The following TAFA2 variants were observed in gnomAD, a reference collection of about 807,000 sequenced individuals.
The protein encoded by TAFA2 is TAFA chemokine like family member 2.
A neutral mutation model predicts 18.8 loss-of-function variants in TAFA2; 7 were observed. That is an observed-to-expected ratio of 0.37 (90% CI 0.21 to 0.70). The LOEUF is 0.70. Among genes scored for constraint, TAFA2 ranks in the 30% least tolerant of loss-of-function variants. TAFA2 has a pLI of 0.53. For synonymous variants in TAFA2, 60 were observed against 54.2 expected, an observed-to-expected ratio of 1.11 and a Z score of -0.47; for missense variants, 122 against 158.1, an observed-to-expected ratio of 0.77 and a Z score of 1.23.
intron 1 of TAFA2, among the ~76,000 whole-genome samples, chr12:62,134,618 A>T (rs1382031120): frequency 6.6e-6 from 1 of 152,088 alleles, no homozygotes; most frequent in African/African-American, 2.4e-5. Flanking sequence ...ACTTGTCACA[A>T]TCTACACTTT....
Position 61,873,085 on chromosome 12 carries a change from G to A in TAFA2, c.-1-5659C>T, listed in dbSNP as rs985794749. 5.9e-5 allele frequency among the ~76,000 whole-genome samples: 9 copies of A among 152,140 alleles called. No individual in the cohort carries two copies. The East Asian group carries it at 1.5e-3, about 26-fold the overall frequency. On this transcript the variant is annotated intron_variant, in intron 1 of 4. Coordinates refer to ENST00000416284, the MANE Select transcript of TAFA2 (RefSeq NM_178539.5). ...GGAACATCAAGAGATGTAGAATGAAGAAATAGGTGTATTATATAATCAGAA... is the reference window on the plus strand; with the variant it reads ...GGAACATCAAGAGATGTAGAATGAAAAAATAGGTGTATTATATAATCAGAA...
intron 1 of TAFA2, among the ~76,000 whole-genome samples, chr12:61,902,191 T>C (rs904592296): frequency 2.6e-5 from 4 of 151,160 alleles, no homozygotes; most frequent in Non-Finnish European, 5.9e-5. Context: ...TACAAAATGA[T>C]GTAATTGAAG....
chr12:61,749,138 T>C (rs1478575589), intron 4 of TAFA2, among the ~76,000 whole-genome samples: 3 of 148,786 alleles, frequency 2.0e-5, no homozygotes, highest in African/African-American at 4.9e-5. Flanking sequence ...CTGGGTGTGG[T>C]GGGGCATGCC....
chr12:61,840,033 G>C (rs1873107963), intron 2 of TAFA2, among the ~76,000 whole-genome samples: 1 of 152,002 alleles, frequency 6.6e-6, no homozygotes, highest in East Asian at 1.9e-4. Context: ...AATGTCCATG[G>C]AGCTCAGCTT....
At chr12:61,911,434 T>A (rs769995459) in intron 1 of TAFA2, among the ~76,000 whole-genome samples, 17 of 152,246 alleles carry the variant, frequency 1.1e-4, no homozygotes, top group Non-Finnish European at 2.1e-4. Context: ...GCTAAATTTG[T>A]GTTTAATTCT....
chr12:62,192,702 T>C lies in TAFA2; in HGVS notation c.-1445A>G, dbSNP rs1179441857. The C allele has an allele frequency of 6.6e-6, 1 of 152,214 alleles. No homozygotes were observed. The highest frequency in any genetic ancestry group is 1.5e-5 in the Non-Finnish European group (1 of 68,082). The allele number at this position is 152,214 out of a possible 1,614,324, so 9.4% of individuals were successfully genotyped here. A position where few individuals can be genotyped will look rare whatever the true frequency, so the allele number is the denominator to read the frequency against. ...GGTTGAGTTAAGCAGTAAAATGGAA[T>C]GGCAGGGCCGGGCGGCGTTGCCTCG... On this transcript the variant is annotated 5_prime_UTR_variant, in exon 1 of 5. Transcript: ENST00000416284.
At chr12:61,933,880 A>C (rs1261897007) in intron 1 of TAFA2, among the ~76,000 whole-genome samples, 1 of 152,240 alleles carries the variant, frequency 6.6e-6, no homozygotes, top group East Asian at 1.9e-4. Flanking sequence ...GATGGTATTT[A>C]ACAGAAAAGT....
intron 4 of TAFA2, among the ~76,000 whole-genome samples, chr12:61,737,484 A>G (rs917549737): frequency 4.0e-5 from 6 of 151,862 alleles, no homozygotes; most frequent in African/African-American, 1.4e-4. Context: ...CAGATGGGTA[A>G]TACATATAAC....
chr12:61,962,174 C>A lies in TAFA2; in HGVS notation c.-1-94748G>T, dbSNP rs958670803. Reference sequence around the variant, plus strand: ...GTTAATGTAGAACTTCCAGGAATTCCTGTTTATTCTCATATTTTAACCTAA... The same window carrying A: ...GTTAATGTAGAACTTCCAGGAATTCATGTTTATTCTCATATTTTAACCTAA... On this transcript the variant is annotated intron_variant, in intron 1 of 4. Coordinates refer to ENST00000416284, the MANE Select transcript of TAFA2 (RefSeq NM_178539.5). Among the ~76,000 whole-genome samples, 4 of 151,918 alleles carry A rather than the reference C, an allele frequency of 2.6e-5. No individual in the cohort carries two copies. In the East Asian group the frequency reaches 5.8e-4, roughly 22 times the overall value.
intron 1 of TAFA2, among the ~76,000 whole-genome samples, chr12:62,007,090 A>G (rs1000523046): frequency 6.6e-6 from 1 of 151,990 alleles, no homozygotes; most frequent in Admixed American, 6.6e-5. Flanking sequence ...CCACCTCTCT[A>G]CCATTCTTCC....
At chr12:61,922,362 CAGA>C (rs1480038965) in intron 1 of TAFA2, among the ~76,000 whole-genome samples, 1 of 152,104 alleles carries the variant, frequency 6.6e-6, no homozygotes, top group African/African-American at 2.4e-5. Flanking sequence ...GAGACCAACA[CAGA>C]AGGTGGGTGA....
chr12:62,253,062 A>G (rs965904333), intron 1 of TAFA2: 4 of 152,172 alleles, frequency 2.6e-5, no homozygotes, highest in African/African-American at 9.7e-5. Flanking sequence ...TCTGTTCCTG[A>G]CAGGTTGGAC....
At chr12:62,251,528 A>C (rs2062913655) in intron 1 of TAFA2, among the ~76,000 whole-genome samples, 1 of 152,240 alleles carries the variant, frequency 6.6e-6, no homozygotes, top group Non-Finnish European at 1.5e-5. Flanking sequence ...GGTGTGGTGC[A>C]GGCCCAAGTG....
intron 2 of TAFA2, among the ~76,000 whole-genome samples, chr12:61,787,473 T>C (rs1429769110): frequency 6.6e-6 from 1 of 151,640 alleles, no homozygotes; most frequent in Non-Finnish European, 1.5e-5. Flanking sequence ...AGGTTAAATA[T>C]CAAAGTGGTT....
intron 1 of TAFA2, among the ~76,000 whole-genome samples, chr12:62,155,335 G>T (rs2062361048): frequency 6.6e-6 from 1 of 152,108 alleles, no homozygotes. Context: ...CATGCTCATG[G>T]ATGGGTAGTA....
chr12:61,907,780 G>A (rs7965138), intron 1 of TAFA2, among the ~76,000 whole-genome samples: 20 of 151,976 alleles, frequency 1.3e-4, no homozygotes, highest in Admixed American at 1.2e-3. Context: ...AGCCACAAGG[G>A]TGGAGCTGCC....
intron 2 of TAFA2, among the ~76,000 whole-genome samples, chr12:61,810,869 G>A (rs1486893716): frequency 6.6e-6 from 1 of 151,228 alleles, no homozygotes; most frequent in Non-Finnish European, 1.5e-5. Context: ...AAAGAGTTCA[G>A]TCAATTTGTG....
intron 1 of TAFA2, among the ~76,000 whole-genome samples, chr12:61,932,877 A>G (rs1877618503): frequency 6.6e-6 from 1 of 152,112 alleles, no homozygotes; most frequent in Admixed American, 6.6e-5. Context: ...TTGATTCCTT[A>G]ATATGTTAGG....
chr12:61,717,243 G>A (rs1353590875), intron 4 of TAFA2, among the ~76,000 whole-genome samples: 1 of 152,142 alleles, frequency 6.6e-6, no homozygotes, highest in Non-Finnish European at 1.5e-5. Context: ...AGCACCTCAT[G>A]CAATGAGGTA....
Sources: gnomAD v4.1 joint callset for allele counts (sites outside exome capture counted in the v4.1 genomes callset) on GRCh38, gnomAD v4.1.1 for gene constraint, MANE v1.5 for transcripts, NCBI Gene and HGNC (gene_info 2026-07-23, HGNC 2026-07-21) for gene names.